Variants in PTPN14 observed in about 807,000 individuals in gnomAD.
PTPN14 encodes protein tyrosine phosphatase non-receptor type 14, also known as tyrosine-protein phosphatase non-receptor type 14.
Under a neutral mutation model 126.8 loss-of-function variants are expected in PTPN14, and 53 were observed. That is an observed-to-expected ratio of 0.42 (90% confidence interval 0.34 to 0.53). The LOEUF is 0.53. Ranked by LOEUF, PTPN14 falls within the 20% of genes least tolerant of loss-of-function variation. The pLI is 0.08. For missense variants in PTPN14, 1,257 were observed against 1,552.9 expected, an observed-to-expected ratio of 0.81 and a Z score of 3.20; for synonymous variants, 630 against 599.3, an observed-to-expected ratio of 1.05 and a Z score of -0.75.
intron 17 of PTPN14, among the ~76,000 whole-genome samples, chr1:214,365,034 C>T (rs560656114): frequency 1.3e-5 from 2 of 152,198 alleles, no homozygotes; most frequent in African/African-American, 2.4e-5. Context: ...GCAATTCCTG[C>T]TATTAACAGA....
At chr1:214,495,489 A>C (rs1421933804) in intron 1 of PTPN14, among the ~76,000 whole-genome samples, 1 of 152,188 alleles carries the variant, frequency 6.6e-6, no homozygotes, top group East Asian at 1.9e-4. Context: ...AGTACCATTA[A>C]GGAGAGGAAT....
intron 13 of PTPN14, among the ~76,000 whole-genome samples, chr1:214,380,528 T>A (rs567564296): frequency 6.6e-6 from 1 of 152,138 alleles, no homozygotes; most frequent in East Asian, 1.9e-4. Context: ...AAGGAAGCAG[T>A]AGGAGCCAGA....
At chr1:214,433,538 A>C (rs1659840038) in intron 3 of PTPN14, among the ~76,000 whole-genome samples, 1 of 152,100 alleles carries the variant, frequency 6.6e-6, no homozygotes, top group Admixed American at 6.6e-5. Flanking sequence ...GGATTGATTG[A>C]GCCAGAGTAT....
At chr1:214,482,172 G>C (rs1352120423) in intron 1 of PTPN14, among the ~76,000 whole-genome samples, 2 of 151,552 alleles carry the variant, frequency 1.3e-5, no homozygotes, top group African/African-American at 4.8e-5. Flanking sequence ...ATTATTCAAG[G>C]TGACCATCCC....
intron 3 of PTPN14, among the ~76,000 whole-genome samples, chr1:214,426,520 T>A (rs546204316): frequency 6.6e-6 from 1 of 151,636 alleles, no homozygotes. Flanking sequence ...TTAGAAACTG[T>A]AACTTCCTAG....
At chr1:214,449,846 T>TAA (rs5780781) in intron 3 of PTPN14, among the ~76,000 whole-genome samples, 19 of 146,726 alleles carry the variant, frequency 1.3e-4, no homozygotes, top group Non-Finnish European at 1.9e-4. Context: ...AAAATAAAAA[T>TAA]AAAAAAAAAA....
chr1:214,348,812 C>A lies in PTPN14; in HGVS notation c.*9110G>T, dbSNP rs1013261337. On this transcript the variant is annotated 3_prime_UTR_variant, in exon 19 of 19. Coordinates refer to ENST00000366956, the MANE Select transcript of PTPN14 (RefSeq NM_005401.5). ...AAGGCACATATGAAACATTTTATAG[C>A]AAGCACAAGGGCAGTGAGAACATCA... 6.6e-6 allele frequency: 1 copy of A among 152,072 alleles called. No individual in the cohort carries two copies. Among genetic ancestry groups the A allele is most frequent in the African/African-American group, 2.4e-5 (1 of 41,396 alleles). The allele number at this position is 152,072 out of a possible 1,614,324, so 9.4% of individuals were successfully genotyped here.
chr1:214,416,102 T>A (rs1659419938), intron 3 of PTPN14, among the ~76,000 whole-genome samples: 1 of 152,040 alleles, frequency 6.6e-6, no homozygotes, highest in Admixed American at 6.6e-5. Context: ...TTTTAACCCA[T>A]AGCTATCATT....
intron 5 of PTPN14, 68 bp from the exon 6 acceptor site, chr1:214,403,021 T>C (rs1462837053): frequency 2.7e-6 from 4 of 1,464,104 alleles, no homozygotes; most frequent in Non-Finnish European, 2.9e-6. Flanking sequence ...TTGCAAATCT[T>C]AAAGCTCCCT....
intron 17 of PTPN14, among the ~76,000 whole-genome samples, chr1:214,366,847 G>C (rs1463330268): frequency 6.6e-6 from 1 of 152,052 alleles, no homozygotes; most frequent in Non-Finnish European, 1.5e-5. Flanking sequence ...GCCAGGCGTG[G>C]TGGTGGGCGC....
At chr1:214,488,668 A>T (rs1254639870) in intron 1 of PTPN14, among the ~76,000 whole-genome samples, 1 of 152,242 alleles carries the variant, frequency 6.6e-6, no homozygotes, top group Non-Finnish European at 1.5e-5. Context: ...GGATCTAAAG[A>T]TGAGTACAAC....
chr1:214,495,898 T>C (rs977827602), intron 1 of PTPN14, among the ~76,000 whole-genome samples: 1 of 152,092 alleles, frequency 6.6e-6, no homozygotes, highest in Non-Finnish European at 1.5e-5. Flanking sequence ...TTCACCATGT[T>C]GGTCAGGCTG....
Position 214,414,661 on chromosome 1 carries a change from TG to T in PTPN14, c.409del (p.Gln137ArgfsTer2). 6.2e-7 allele frequency: 1 copy of T among 1,614,102 alleles called. No homozygotes were observed. The highest frequency in any genetic ancestry group is 8.5e-7 in the Non-Finnish European group (1 of 1,179,952). On this transcript the variant is annotated frameshift_variant, in exon 4 of 19. Transcript: ENST00000366956. LOFTEE classifies it high-confidence loss of function. ...AGCTAGGCCGGCTAGCCGAATCACC[TG>T]GTCCAATGTACATCGTAATCGCCCT... is the stretch of plus-strand genomic sequence containing the variant. ...LEGRLRCTLD[Q>X]VIRLAGLAVQ... is the part of the protein sequence containing the mutation.
intron 3 of PTPN14, among the ~76,000 whole-genome samples, chr1:214,436,152 C>G (rs1002378465): frequency 6.6e-6 from 1 of 152,102 alleles, no homozygotes; most frequent in Non-Finnish European, 1.5e-5. Context: ...AACAGAAAAC[C>G]AAATACCGCA....
At chr1:214,387,715 T>G (rs931776049) in intron 11 of PTPN14, among the ~76,000 whole-genome samples, 2 of 147,950 alleles carry the variant, frequency 1.4e-5, no homozygotes, top group African/African-American at 5.0e-5. Flanking sequence ...AAAGAGAAAG[T>G]AAATTATTAT....
intron 3 of PTPN14, among the ~76,000 whole-genome samples, chr1:214,422,935 G>C (rs1272582412): frequency 6.6e-6 from 1 of 152,092 alleles, no homozygotes; most frequent in East Asian, 1.9e-4. Context: ...TCTGATGAAC[G>C]AATGAGGCAA....
intron 1 of PTPN14, among the ~76,000 whole-genome samples, chr1:214,471,821 TC>T (rs753495463): frequency 6.6e-6 from 1 of 152,250 alleles, no homozygotes; most frequent in Non-Finnish European, 1.5e-5. Flanking sequence ...GAAGAGCCCA[TC>T]CTGGGTGGGA....
chr1:214,414,756 C>T (rs1197790093), intron 3 of PTPN14, 30 bp from the exon 4 acceptor site: 7 of 1,526,578 alleles, frequency 4.6e-6, no homozygotes, highest in Non-Finnish European at 6.4e-6. Context: ...AACAAACAAC[C>T]TTAAAAACAC....
chr1:214,406,389 G>A (rs1659170927), intron 5 of PTPN14, among the ~76,000 whole-genome samples: 2 of 151,834 alleles, frequency 1.3e-5, no homozygotes, highest in Non-Finnish European at 2.9e-5. Context: ...GCTGAGGCAG[G>A]AGAATCGCTT....
Sources: allele counts gnomAD v4.1 joint callset (sites outside exome capture counted in the v4.1 genomes callset), GRCh38; gene constraint gnomAD v4.1.1; transcripts MANE v1.5; gene names NCBI Gene and HGNC (gene_info 2026-07-23, HGNC 2026-07-21).